OCM: variants seen among roughly 807,000 people sequenced by gnomAD.
The protein encoded by OCM is oncomodulin.
OCM carries 18 observed loss-of-function variants against 14.1 expected under a neutral mutation model. The ratio of observed to expected loss-of-function variants is 1.28; its 90% CI spans 0.88 to 1.89. OCM has a LOEUF of 1.89. OCM is among the 40% of genes most tolerant of loss of function. The probability of loss-of-function intolerance (pLI) is 0.00; values close to 1 mark genes in which losing one functional copy is unlikely to be tolerated. For missense variants in OCM, 140 were observed against 137.6 expected, an observed-to-expected ratio of 1.02 and a Z score of -0.09; for synonymous variants, 48 against 51.0, an observed-to-expected ratio of 0.94 and a Z score of 0.25.
chr7:5,882,631 C>T lies in OCM; in HGVS notation c.194+6C>T. On this transcript the variant is annotated splice_donor_region_variant and intron_variant, in intron 2 of 3. Transcript: ENST00000242104. ...CTGGATGAAGAAGAGCTTAAGTAAG[C>T]TTTGTCCTGAGTCTGTCTGGTACCC... The T allele has an allele frequency of 6.2e-7, 1 of 1,613,948 alleles. No homozygotes were observed. Among genetic ancestry groups the T allele is most frequent in the Non-Finnish European group, 8.5e-7 (1 of 1,179,952 alleles).
chr7:5,868,501 C>A, the OCM span, among the ~76,000 whole-genome samples: 1 of 152,058 alleles, frequency 6.6e-6, no homozygotes, highest in South Asian at 2.1e-4. Context: ...AGTGAGCTCA[C>A]GAAGACACAG....
chr7:5,860,792 A>G, the OCM span, among the ~76,000 whole-genome samples: 11 of 87,230 alleles, frequency 1.3e-4, no homozygotes, highest in African/African-American at 2.8e-4. Flanking sequence ...GTATATATAC[A>G]TATATATACA....
intron 1 of OCM, among the ~76,000 whole-genome samples, chr7:5,881,411 C>G (rs1781214778): frequency 1.3e-5 from 2 of 151,520 alleles, no homozygotes; most frequent in South Asian, 4.2e-4. Flanking sequence ...TGTTTGAGCC[C>G]AGGAGTTTGA....
chr7:5,869,842 T>C, the OCM span, among the ~76,000 whole-genome samples: 1 of 152,096 alleles, frequency 6.6e-6, no homozygotes, highest in South Asian at 2.1e-4. Context: ...TCCTTCCTTC[T>C]TGAAGCATTC....
upstream of OCM, among the ~76,000 whole-genome samples, chr7:5,878,388 A>C (rs118154547): frequency 0.042 from 6,447 of 152,116 alleles, 188 homozygotes; most frequent in Middle Eastern, 0.061. Context: ...TGAATAAATT[A>C]TAGAGATCTC....
chr7:5,860,525 CGT>C, the OCM span, among the ~76,000 whole-genome samples: 8 of 83,464 alleles, frequency 9.6e-5, 1 homozygote, highest in African/African-American at 2.9e-4. Context: ...TGTATATATA[CGT>C]GTGTATATAT....
the OCM span, among the ~76,000 whole-genome samples, chr7:5,870,063 C>A: frequency 2.6e-5 from 4 of 152,142 alleles, no homozygotes; most frequent in East Asian, 7.7e-4. Context: ...ATATTTTGGG[C>A]AGAGGAGTAG....
the OCM span, among the ~76,000 whole-genome samples, chr7:5,870,394 T>A: frequency 3.3e-5 from 5 of 152,216 alleles, no homozygotes; most frequent in Non-Finnish European, 7.3e-5. Flanking sequence ...ATTACAGGCG[T>A]GAGCCACTGC....
At chr7:5,868,125 C>G in the OCM span, among the ~76,000 whole-genome samples, 1 of 152,034 alleles carries the variant, frequency 6.6e-6, no homozygotes. Flanking sequence ...TTTTTCTTCT[C>G]TAGCTTCACT....
upstream of OCM, among the ~76,000 whole-genome samples, chr7:5,876,105 A>C (rs1000670716): frequency 5.3e-5 from 8 of 151,994 alleles, no homozygotes; most frequent in Non-Finnish European, 1.2e-4. Flanking sequence ...CCCAGGTTCT[A>C]AGTGATCCTC....
chr7:5,862,792 A>C, the OCM span, among the ~76,000 whole-genome samples: 1 of 152,148 alleles, frequency 6.6e-6, no homozygotes, highest in East Asian at 1.9e-4. Context: ...TACTGAGCTC[A>C]AGATGAATGC....
the OCM span, among the ~76,000 whole-genome samples, chr7:5,866,661 C>T: frequency 3.9e-5 from 6 of 152,154 alleles, no homozygotes; most frequent in Non-Finnish European, 8.8e-5. Context: ...ACTCAACTCC[C>T]AGTAATAACT....
rs60321561 is a variant in OCM, at chr7:5,882,085, CAAAAAAAAAAAAA to C, written c.62-386_62-374del. Among the ~76,000 whole-genome samples, 18 of 45,968 alleles carry C rather than the reference CAAAAAAAAAAAAA, an allele frequency of 3.9e-4. 1 individual carries two copies. In the South Asian group the frequency reaches 6.0e-3, roughly 15 times the overall value. The allele number at this position is 45,968 out of a possible 152,430, so 30.2% of individuals were successfully genotyped here. A position where few individuals can be genotyped will look rare whatever the true frequency, so the allele number is the denominator to read the frequency against. ...CTGGTGACAGAGTGAGACTCTGTCT[CAAAAAAAAAAAAA>C]AAAAAAAAAAAAAAAAAAAAAGCGC... On this transcript the variant is annotated intron_variant, in intron 1 of 3. Transcript: ENST00000242104.
chr7:5,880,452 T>C (rs542943053), upstream of OCM, among the ~76,000 whole-genome samples: 6 of 152,058 alleles, frequency 3.9e-5, no homozygotes, highest in Non-Finnish European at 8.8e-5. Context: ...AAACCATGCT[T>C]ATCACATTTT....
At chr7:5,864,652 C>T in the OCM span, among the ~76,000 whole-genome samples, 1 of 152,062 alleles carries the variant, frequency 6.6e-6, no homozygotes, top group Non-Finnish European at 1.5e-5. Flanking sequence ...GGGCAAAGTT[C>T]TCATTAGAAT....
At chr7:5,872,633 T>A in the OCM span, among the ~76,000 whole-genome samples, 1 of 152,024 alleles carries the variant, frequency 6.6e-6, no homozygotes, top group South Asian at 2.1e-4. Context: ...TAAAAATGGA[T>A]GATGGGGCAA....
the OCM span, among the ~76,000 whole-genome samples, chr7:5,860,845 C>CATACAT: frequency 9.0e-4 from 125 of 138,292 alleles, 1 homozygote; most frequent in African/African-American, 1.9e-3. Context: ...CATATATACA[C>CATACAT]ATACATATAC....
the OCM span, among the ~76,000 whole-genome samples, chr7:5,864,658 A>C: frequency 0.037 from 5,654 of 152,228 alleles, 135 homozygotes; most frequent in Non-Finnish European, 0.053. Flanking sequence ...AGTTCTCATT[A>C]GAATAAATCA....
chr7:5,870,648 G>A, the OCM span, among the ~76,000 whole-genome samples: 2 of 152,316 alleles, frequency 1.3e-5, no homozygotes, highest in Admixed American at 6.5e-5. Flanking sequence ...CTGTAAAATA[G>A]GAGCATCAAT....
Sources: allele counts gnomAD v4.1 joint callset (sites outside exome capture counted in the v4.1 genomes callset), GRCh38; gene constraint gnomAD v4.1.1; transcripts MANE v1.5; gene names NCBI Gene and HGNC (gene_info 2026-07-23, HGNC 2026-07-21).